NDST3: variants seen among roughly 807,000 people sequenced by gnomAD.
NDST3 encodes bifunctional heparan sulfate N-deacetylase/N-sulfotransferase 3.
NDST3 carries 58 observed loss-of-function variants against 96.1 expected under a neutral mutation model. The ratio of observed to expected loss-of-function variants is 0.60; its 90% CI spans 0.49 to 0.75. The LOEUF is 0.75. Among genes scored for constraint, NDST3 ranks in the 30% least tolerant of loss-of-function variants. The probability of loss-of-function intolerance (pLI) is 0.00; values close to 1 mark genes in which losing one functional copy is unlikely to be tolerated. For missense variants in NDST3, 788 were observed against 1,034.2 expected, an observed-to-expected ratio of 0.76 and a Z score of 3.27; for synonymous variants, 333 against 359.7, an observed-to-expected ratio of 0.93 and a Z score of 0.84.
chr4:118,088,651 G>A (rs911374342), intron 2 of NDST3, among the ~76,000 whole-genome samples: 9 of 151,962 alleles, frequency 5.9e-5, no homozygotes, highest in African/African-American at 1.9e-4. Flanking sequence ...AATTTAGTTC[G>A]GGGTAACTCT....
chr4:118,169,122 T>A (rs1322058249), intron 6 of NDST3, among the ~76,000 whole-genome samples: 1 of 151,944 alleles, frequency 6.6e-6, no homozygotes, highest in African/African-American at 2.4e-5. Context: ...TGTATTTTTT[T>A]ACCACAATTT....
intron 3 of NDST3, among the ~76,000 whole-genome samples, chr4:118,109,961 T>A (rs571062077): frequency 1.3e-5 from 2 of 152,304 alleles, no homozygotes; most frequent in South Asian, 4.1e-4. Context: ...CATAGTTCCC[T>A]TTTAGTGCTT....
chr4:118,082,067 C>T (rs1373322160), intron 2 of NDST3, among the ~76,000 whole-genome samples: 1 of 152,140 alleles, frequency 6.6e-6, no homozygotes, highest in Non-Finnish European at 1.5e-5. Context: ...TTACCCTCTC[C>T]TTTTCCTTGC....
At chr4:118,221,923 T>C (rs964963996) in intron 6 of NDST3, among the ~76,000 whole-genome samples, 3 of 151,820 alleles carry the variant, frequency 2.0e-5, no homozygotes, top group African/African-American at 7.3e-5. Context: ...GTCACTTCTA[T>C]TGACACTTTC....
chr4:118,148,266 C>G (rs757839125), intron 6 of NDST3, among the ~76,000 whole-genome samples: 1 of 152,166 alleles, frequency 6.6e-6, no homozygotes, highest in Non-Finnish European at 1.5e-5. Context: ...CCACTGCACT[C>G]CAGCCTGGGC....
chr4:118,198,763 CT>C (rs149648196), intron 6 of NDST3, among the ~76,000 whole-genome samples: 17,288 of 151,062 alleles, frequency 0.11, 1,322 homozygotes, highest in South Asian at 0.2. Context: ...AATCCCTCAA[CT>C]TTTTTTTTGT....
intron 2 of NDST3, among the ~76,000 whole-genome samples, chr4:118,056,387 T>C (rs908852957): frequency 1.3e-5 from 2 of 151,972 alleles, no homozygotes; most frequent in African/African-American, 2.4e-5. Flanking sequence ...TAGAGGCTTA[T>C]TGAACACATT....
intron 4 of NDST3, among the ~76,000 whole-genome samples, chr4:118,134,256 C>T (rs535971396): frequency 1.3e-5 from 2 of 152,164 alleles, no homozygotes; most frequent in African/African-American, 2.4e-5. Flanking sequence ...TGGAGGGTGG[C>T]ACAAGATAAG....
intron 4 of NDST3, among the ~76,000 whole-genome samples, chr4:118,120,953 C>T (rs186690464): frequency 6.4e-4 from 97 of 152,096 alleles, no homozygotes; most frequent in Non-Finnish European, 1.1e-3. Flanking sequence ...CATATCACAC[C>T]TGTGTCTGCC....
At chr4:118,079,485 T>C (rs1245078570) in intron 2 of NDST3, among the ~76,000 whole-genome samples, 3 of 152,142 alleles carry the variant, frequency 2.0e-5, no homozygotes, top group Admixed American at 6.6e-5. Context: ...CAGGCCCTAT[T>C]ATGAAACAAG....
At chr4:118,117,332 A>T (rs1731210648) in intron 4 of NDST3, among the ~76,000 whole-genome samples, 1 of 152,116 alleles carries the variant, frequency 6.6e-6, no homozygotes. Context: ...CATTATATCT[A>T]GTATCACAAA....
intron 1 of NDST3, among the ~76,000 whole-genome samples, chr4:118,047,806 G>A (rs534120848): frequency 1.3e-5 from 2 of 152,192 alleles, no homozygotes; most frequent in East Asian, 3.9e-4. Context: ...AAGCAACTGG[G>A]AAAATATATT....
chr4:118,205,832 CTTTT>C (rs56843725), intron 6 of NDST3, among the ~76,000 whole-genome samples: 6 of 95,466 alleles, frequency 6.3e-5, no homozygotes, highest in Admixed American at 1.1e-4. Context: ...ATCGGGCTTT[CTTTT>C]TTTTTTTTTT....
intron 6 of NDST3, among the ~76,000 whole-genome samples, chr4:118,174,398 C>T (rs953922079): frequency 3.9e-5 from 6 of 152,152 alleles, no homozygotes; most frequent in Admixed American, 2.0e-4. Context: ...ATGATCCCTA[C>T]TTATATTTAC....
chr4:118,133,380 C>T (rs1732799172), intron 4 of NDST3, among the ~76,000 whole-genome samples: 1 of 152,154 alleles, frequency 6.6e-6, no homozygotes, highest in Non-Finnish European at 1.5e-5. Context: ...GTCCCCCTGT[C>T]ACTGTGCTCT....
chr4:118,059,455 G>A (rs541362582), intron 2 of NDST3, among the ~76,000 whole-genome samples: 3 of 152,058 alleles, frequency 2.0e-5, no homozygotes, highest in Non-Finnish European at 4.4e-5. Context: ...AGATCCCAGA[G>A]TACCTAGAGA....
chr4:118,159,026 G>T (rs1050355214), intron 6 of NDST3, among the ~76,000 whole-genome samples: 1 of 152,174 alleles, frequency 6.6e-6, no homozygotes, highest in Admixed American at 6.6e-5. Flanking sequence ...CACTGACTCA[G>T]CAGAGAGCAA....
intron 2 of NDST3, among the ~76,000 whole-genome samples, chr4:118,058,283 AT>A (rs1725595187): frequency 6.6e-6 from 1 of 151,932 alleles, no homozygotes; most frequent in Admixed American, 6.6e-5. Flanking sequence ...GTGCTTCCTT[AT>A]TTAATGGGAA....
chr4:118,117,994 G>A (rs1307507249), intron 4 of NDST3, among the ~76,000 whole-genome samples: 1 of 152,162 alleles, frequency 6.6e-6, no homozygotes, highest in African/African-American at 2.4e-5. Flanking sequence ...TAAAATGTTG[G>A]AGGGGGTCGA....
Sources: allele counts gnomAD v4.1 joint callset (sites outside exome capture counted in the v4.1 genomes callset), GRCh38; gene constraint gnomAD v4.1.1; transcripts MANE v1.5; gene names NCBI Gene and HGNC (gene_info 2026-07-23, HGNC 2026-07-21).